The following PTPRR variants were observed in gnomAD, a reference collection of about 807,000 sequenced individuals.
PTPRR encodes receptor-type tyrosine-protein phosphatase R.
Under a neutral mutation model 77.2 loss-of-function variants are expected in PTPRR, and 38 were observed. The ratio of observed to expected loss-of-function variants is 0.49; its 90% CI spans 0.38 to 0.65. The LOEUF is 0.65. Ranked by LOEUF, PTPRR falls within the 30% of genes least tolerant of loss-of-function variation. The pLI is 0.00. For synonymous variants in PTPRR, 299 were observed against 283.1 expected (o/e 1.06, Z -0.57); for missense variants, 744 against 799.2 (o/e 0.93, Z 0.83).
intron 6 of PTPRR, among the ~76,000 whole-genome samples, chr12:70,707,587 T>C (rs977464685): frequency 6.6e-6 from 1 of 152,156 alleles, no homozygotes; most frequent in African/African-American, 2.4e-5. Flanking sequence ...TAAACAAAAC[T>C]GTAATGAACA....
intron 6 of PTPRR, among the ~76,000 whole-genome samples, chr12:70,711,105 C>T (rs373200109): frequency 5.3e-5 from 8 of 152,208 alleles, no homozygotes; most frequent in South Asian, 4.1e-4. Flanking sequence ...TTCATTGCAG[C>T]GCTATTCACA....
intron 1 of PTPRR, among the ~76,000 whole-genome samples, chr12:70,902,599 T>C (rs1462789451): frequency 6.6e-6 from 1 of 151,812 alleles, no homozygotes; most frequent in Non-Finnish European, 1.5e-5. Context: ...CTGGATGGTA[T>C]TGGAGACGGT....
At chr12:70,701,754 C>A (rs886931700) in intron 6 of PTPRR, among the ~76,000 whole-genome samples, 2 of 151,962 alleles carry the variant, frequency 1.3e-5, no homozygotes, top group African/African-American at 4.8e-5. Context: ...GGGTGGATTG[C>A]CTGAGTTCAG....
At chr12:70,918,845 T>C (rs1399874028) in intron 1 of PTPRR, among the ~76,000 whole-genome samples, 2 of 152,208 alleles carry the variant, frequency 1.3e-5, no homozygotes, top group Non-Finnish European at 2.9e-5. Context: ...CAACCCAATG[T>C]GTATGTTTTC....
intron 6 of PTPRR, among the ~76,000 whole-genome samples, chr12:70,744,815 C>T (rs1176514450): frequency 6.6e-6 from 1 of 152,158 alleles, no homozygotes; most frequent in Non-Finnish European, 1.5e-5. Flanking sequence ...TCTCCCACTA[C>T]CCTGGTGTTC....
chr12:70,803,441 A>G (rs1023558089), intron 2 of PTPRR, among the ~76,000 whole-genome samples: 2 of 152,174 alleles, frequency 1.3e-5, no homozygotes, highest in African/African-American at 4.8e-5. Context: ...AAACACCAAG[A>G]AGAAGCAGTA....
chr12:70,789,460 T>G (rs2137008235), intron 2 of PTPRR, among the ~76,000 whole-genome samples: 1 of 152,188 alleles, frequency 6.6e-6, no homozygotes, highest in East Asian at 1.9e-4. Context: ...CAAATTAAAG[T>G]GACTCAATCA....
chr12:70,675,324 T>G (rs1887404367), intron 10 of PTPRR, among the ~76,000 whole-genome samples: 1 of 152,038 alleles, frequency 6.6e-6, no homozygotes, highest in African/African-American at 2.4e-5. Flanking sequence ...TATCTCCCAA[T>G]TAGGTAAAAG....
chr12:70,705,101 T>G (rs1888569662), intron 6 of PTPRR, among the ~76,000 whole-genome samples: 1 of 152,152 alleles, frequency 6.6e-6, no homozygotes, highest in Non-Finnish European at 1.5e-5. Context: ...ATAAACAGCA[T>G]GCTAATTATA....
chr12:70,679,414 T>C (rs985870381), intron 10 of PTPRR, among the ~76,000 whole-genome samples: 2 of 152,182 alleles, frequency 1.3e-5, no homozygotes, highest in African/African-American at 4.8e-5. Flanking sequence ...AATTGGTCTA[T>C]TGTGTGGTTT....
At chr12:70,678,904 A>G (rs1592664607) in intron 10 of PTPRR, among the ~76,000 whole-genome samples, 2 of 151,994 alleles carry the variant, frequency 1.3e-5, no homozygotes, top group South Asian at 2.1e-4. Flanking sequence ...CTGGTCTCGA[A>G]CTCCTGACCT....
intron 6 of PTPRR, among the ~76,000 whole-genome samples, chr12:70,731,641 A>T (rs868467146): frequency 1.8e-4 from 27 of 152,186 alleles, no homozygotes; most frequent in African/African-American, 6.0e-4. Context: ...TAATTTAAGC[A>T]CCCGTGAAGG....
intron 6 of PTPRR, among the ~76,000 whole-genome samples, chr12:70,742,791 T>C (rs981687349): frequency 4.6e-5 from 7 of 151,884 alleles, no homozygotes; most frequent in African/African-American, 1.5e-4. Flanking sequence ...GGGGAAACAG[T>C]TGGGAGAAGG....
intron 2 of PTPRR, among the ~76,000 whole-genome samples, chr12:70,777,099 C>T (rs1565693133): frequency 6.6e-6 from 1 of 151,892 alleles, no homozygotes; most frequent in Admixed American, 6.6e-5. Context: ...TAGGATTGAA[C>T]TATACATTTT....
intron 2 of PTPRR, among the ~76,000 whole-genome samples, chr12:70,830,701 C>T (rs533822904): frequency 1.3e-5 from 2 of 152,306 alleles, no homozygotes; most frequent in African/African-American, 2.4e-5. Context: ...ACAAGGCTGT[C>T]AACACTTTGT....
intron 2 of PTPRR, among the ~76,000 whole-genome samples, chr12:70,875,363 A>T (rs142492839): frequency 6.6e-6 from 1 of 152,326 alleles, no homozygotes; most frequent in East Asian, 1.9e-4. Flanking sequence ...ACATGAAGAA[A>T]ATAAATGGAA....
At chr12:70,863,200 T>C (rs1468150824) in intron 2 of PTPRR, among the ~76,000 whole-genome samples, 1 of 152,202 alleles carries the variant, frequency 6.6e-6, no homozygotes, top group Non-Finnish European at 1.5e-5. Context: ...AAGAAGACTA[T>C]AATTAAAGTC....
At chr12:70,841,190 C>A (rs1233650611) in intron 2 of PTPRR, among the ~76,000 whole-genome samples, 1 of 151,156 alleles carries the variant, frequency 6.6e-6, no homozygotes, top group Non-Finnish European at 1.5e-5. Flanking sequence ...TCTACCCTTA[C>A]CCCCCCAACA....
intron 5 of PTPRR, among the ~76,000 whole-genome samples, chr12:70,753,871 T>A (rs570639866): frequency 1.3e-5 from 2 of 152,270 alleles, no homozygotes; most frequent in South Asian, 2.1e-4. Flanking sequence ...AAACCCAAAG[T>A]GTGCCCGTGA....
Sources: allele counts gnomAD v4.1 joint callset (sites outside exome capture counted in the v4.1 genomes callset), GRCh38; gene constraint gnomAD v4.1.1; transcripts MANE v1.5; gene names NCBI Gene and HGNC (gene_info 2026-07-23, HGNC 2026-07-21).